The following PTPRD variants were observed in gnomAD, a reference collection of about 807,000 sequenced individuals.
PTPRD encodes the protein protein tyrosine phosphatase receptor type D.
PTPRD carries 34 observed loss-of-function variants against 214.5 expected under a neutral mutation model. The observed-to-expected ratio is 0.16, with a 90% CI of 0.12 to 0.21. The LOEUF (loss-of-function observed/expected upper bound fraction) is 0.21. Ranked by LOEUF, PTPRD falls within the 10% of genes least tolerant of loss-of-function variation. PTPRD has a pLI of 1.00. For synonymous variants in PTPRD, 1,128 were observed against 845.7 expected (o/e 1.33, Z -5.79); for missense variants, 2,545 against 2,398.7 (o/e 1.06, Z -1.27).
chr9:10,389,325 G>C (rs1348556142), intron 2 of PTPRD, among the ~76,000 whole-genome samples: 1 of 151,804 alleles, frequency 6.6e-6, no homozygotes, highest in Non-Finnish European at 1.5e-5. Context: ...CCTAGGAATA[G>C]ATCTGACATT....
At chr9:8,894,126 G>T (rs886198148) in intron 11 of PTPRD, among the ~76,000 whole-genome samples, 30 of 152,088 alleles carry the variant, frequency 2.0e-4, no homozygotes, top group Admixed American at 5.2e-4. Context: ...GGCCAAGGCG[G>T]GTGGATCACC....
At chr9:10,300,059 T>C (rs1181162679) in intron 3 of PTPRD, among the ~76,000 whole-genome samples, 1 of 152,200 alleles carries the variant, frequency 6.6e-6, no homozygotes, top group Non-Finnish European at 1.5e-5. Flanking sequence ...TAATTCCCAT[T>C]TTAAAAGTTT....
At chr9:10,125,720 G>T (rs1320929578) in intron 3 of PTPRD, among the ~76,000 whole-genome samples, 1 of 151,434 alleles carries the variant, frequency 6.6e-6, no homozygotes, top group Non-Finnish European at 1.5e-5. Flanking sequence ...CTTTCCTCGG[G>T]ATCCGCTCGC....
chr9:8,576,303 T>C (rs147492756), intron 14 of PTPRD, among the ~76,000 whole-genome samples: 183 of 152,326 alleles, frequency 1.2e-3, no homozygotes, highest in African/African-American at 4.3e-3. Context: ...ATGGCCATTT[T>C]GAACTTCCTG....
At chr9:10,475,200 A>G (rs7039689) in intron 2 of PTPRD, among the ~76,000 whole-genome samples, 70,448 of 151,826 alleles carry the variant, frequency 0.46, 18,278 homozygotes, top group Admixed American at 0.62. Context: ...CCAGGAGCGG[A>G]TTTTTTTGAA....
At chr9:9,797,053 G>C (rs1253531726) in intron 5 of PTPRD, among the ~76,000 whole-genome samples, 7 of 152,068 alleles carry the variant, frequency 4.6e-5, no homozygotes, top group African/African-American at 1.7e-4. Flanking sequence ...GGATATCTGA[G>C]AGCAAAGACA....
chr9:8,741,230 C>A (rs1392320808), intron 11 of PTPRD, among the ~76,000 whole-genome samples: 6 of 152,194 alleles, frequency 3.9e-5, no homozygotes, highest in Non-Finnish European at 7.4e-5. Flanking sequence ...AACCTCATCT[C>A]CCTTTGTATC....
intron 2 of PTPRD, among the ~76,000 whole-genome samples, chr9:10,441,720 G>A (rs1430825432): frequency 2.0e-5 from 3 of 151,390 alleles, no homozygotes; most frequent in Non-Finnish European, 4.4e-5. Flanking sequence ...TTTGTATCTG[G>A]CACATACAGC....
At chr9:9,669,270 C>T (rs12551200) in intron 7 of PTPRD, among the ~76,000 whole-genome samples, 2,122 of 152,114 alleles carry the variant, frequency 0.014, 49 homozygotes, top group East Asian at 0.083. Context: ...CTACAGTTGG[C>T]GAGATACACA....
chr9:9,924,541 A>C (rs148781544), intron 5 of PTPRD, among the ~76,000 whole-genome samples: 167 of 152,162 alleles, frequency 1.1e-3, no homozygotes, highest in African/African-American at 3.6e-3. Flanking sequence ...CAGCACACTG[A>C]TGACACTTTC....
At position 8,476,325 on chromosome 9, in the gene PTPRD, T is replaced by C. The variant is rs2135330808; in HGVS notation, c.3414-5240A>G. Among the ~76,000 whole-genome samples, 2 of 152,292 alleles carry C rather than the reference T, an allele frequency of 1.3e-5. 1 individual carries two copies. Among genetic ancestry groups the C allele is most frequent in the South Asian group, 4.1e-4 (2 of 4,828 alleles). On this transcript the variant is annotated intron_variant, in intron 30 of 45. Coordinates refer to ENST00000381196, the MANE Select transcript of PTPRD (RefSeq NM_002839.4). ...TGAGAGATTCTAATGCCACCACTGA[T>C]CTGACAGGAGGCGGAGCTCGCTCCA...
chr9:9,135,819 T>C (rs1033606147), intron 10 of PTPRD, among the ~76,000 whole-genome samples: 12 of 151,996 alleles, frequency 7.9e-5, no homozygotes, highest in African/African-American at 2.9e-4. Flanking sequence ...TGGTCACAAC[T>C]AGAAATATTC....
rs769526067 is a variant in PTPRD at position 8,484,121 on chromosome 9, T to G, written c.3411A>C (p.Ile1137=). ...QLPEVPANEN[I]KGYYIIIVPL... ...CCCTAAGCCTTCAATCAACTTACTT[T>G]ATATTCTCATTTGCAGGTACTTCAG... Residue 1137 remains isoleucine (I), a splice_region_variant and synonymous_variant, in exon 30 of 46, where the codon ATA becomes ATC. Transcript: ENST00000381196. The G allele has an allele frequency of 6.2e-7, 1 of 1,612,996 alleles. No individual in the cohort carries two copies. Among genetic ancestry groups the G allele is most frequent in the South Asian group, 1.1e-5 (1 of 91,052 alleles).
At chr9:9,994,331 C>G (rs1401425489) in intron 4 of PTPRD, among the ~76,000 whole-genome samples, 1 of 152,058 alleles carries the variant, frequency 6.6e-6, no homozygotes, top group South Asian at 2.1e-4. Flanking sequence ...AAGATAGTTT[C>G]TTTAAAAAAG....
chr9:10,112,180 A>C (rs1209385860), intron 3 of PTPRD, among the ~76,000 whole-genome samples: 3 of 152,146 alleles, frequency 2.0e-5, no homozygotes, highest in African/African-American at 7.2e-5. Context: ...TGGAATGGTC[A>C]GTTGTGAGGG....
chr9:9,403,071 CTTGAGGTTAG>C, intron 8 of PTPRD, among the ~76,000 whole-genome samples: 1 of 149,658 alleles, frequency 6.7e-6, no homozygotes, highest in African/African-American at 2.5e-5. Flanking sequence ...GAGTGGATCA[CTTGAGGTTAG>C]AAATTCAAGA....
At chr9:9,297,173 C>G (rs1005319666) in intron 9 of PTPRD, among the ~76,000 whole-genome samples, 2 of 151,642 alleles carry the variant, frequency 1.3e-5, no homozygotes, top group South Asian at 2.1e-4. Context: ...ATCTCCAGAG[C>G]CTCTTGGTCT....
chr9:9,557,079 G>A (rs1050721304), intron 8 of PTPRD, among the ~76,000 whole-genome samples: 1 of 152,142 alleles, frequency 6.6e-6, no homozygotes, highest in African/African-American at 2.4e-5. Flanking sequence ...TGGAAGAAAA[G>A]TAGTATCCTT....
At chr9:10,476,968 C>A (rs80007292) in intron 2 of PTPRD, among the ~76,000 whole-genome samples, 5 of 151,924 alleles carry the variant, frequency 3.3e-5, no homozygotes, top group Admixed American at 3.3e-4. Flanking sequence ...CTTACTTAGA[C>A]GTTATAGAAA....
Sources: gnomAD v4.1 joint callset for allele counts (sites outside exome capture counted in the v4.1 genomes callset) on GRCh38, gnomAD v4.1.1 for gene constraint, MANE v1.5 for transcripts, NCBI Gene and HGNC (gene_info 2026-07-23, HGNC 2026-07-21) for gene names.